HHLA1: variants seen among roughly 807,000 people sequenced by gnomAD.
HHLA1 encodes the protein HERV-H LTR-associating protein 1.
Under a neutral mutation model 69.9 loss-of-function variants are expected in HHLA1, and 72 were observed. The observed-to-expected ratio is 1.03, with a 90% CI of 0.85 to 1.25. The LOEUF (loss-of-function observed/expected upper bound fraction) is 1.25, where lower values mean the gene tolerates loss of function less well. HHLA1 is among the 50% of genes most tolerant of loss of function. The pLI is 0.00. For synonymous variants in HHLA1, 252 were observed against 233.2 expected (o/e 1.08, Z -0.73); for missense variants, 685 against 642.2 (o/e 1.07, Z -0.72).
intron 13 of HHLA1, 23 bp downstream of exon 13, chr8:132,076,452 C>CCA: frequency 6.7e-7 from 1 of 1,484,186 alleles, no homozygotes; most frequent in Non-Finnish European, 9.2e-7. Flanking sequence ...CCCAAACCCC[C>CCA]ACTTCCGTAC....
In HHLA1 at chr8:132,077,900, G is replaced by A. The variant is rs1325705246; in HGVS notation, c.997C>T (p.Pro333Ser). The part of the protein sequence containing the change: ...RQTWASISSV[P>S]WAQTISEKKP... ...TTCTCACTGATGGTCTGAGCCCAGGGCACGGACGATATGGAAGCCCACGTC... is the reference window on the plus strand; with the variant it reads ...TTCTCACTGATGGTCTGAGCCCAGGACACGGACGATATGGAAGCCCACGTC... The change falls in exon 12 of 17, where the codon CCC becomes TCC. Residue 333 changes from proline to serine, a missense_variant. Transcript: ENST00000414222. 3 of 1,551,464 alleles carry A rather than the reference G, an allele frequency of 1.9e-6. No individual in the cohort carries two copies. The highest frequency in any genetic ancestry group is 3.9e-5 in the Admixed American group (2 of 50,978).
At chr8:132,084,420 C>T (rs1339071444) in intron 10 of HHLA1, among the ~76,000 whole-genome samples, 1 of 80,590 alleles carries the variant, frequency 1.2e-5, no homozygotes, top group Non-Finnish European at 2.5e-5. Flanking sequence ...GGACGAGTTG[C>T]ACTGGGCACA....
chr8:132,062,912 A>T lies in HHLA1; in HGVS notation c.*1083T>A, dbSNP rs1823377019. ...TGTACCTGGGGCTTCGTGCCATGAC[A>T]GATAGTTTATGTTAACAATGTGATT... On this transcript the variant is annotated 3_prime_UTR_variant, in exon 17 of 17. Coordinates refer to ENST00000414222, the MANE Select transcript of HHLA1 (RefSeq NM_001145095.3). The T allele has an allele frequency of 6.6e-6, 1 of 152,214 alleles. No individual in the cohort carries two copies. Among genetic ancestry groups the T allele is most frequent in the African/African-American group, 2.4e-5 (1 of 41,432 alleles). The allele number at this position is 152,214 out of a possible 1,614,324, so 9.4% of individuals were successfully genotyped here.
intron 3 of HHLA1, among the ~76,000 whole-genome samples, chr8:132,101,694 C>G (rs1824113934): frequency 6.6e-6 from 1 of 151,920 alleles, no homozygotes; most frequent in African/African-American, 2.4e-5. Flanking sequence ...CTGCCTCAGC[C>G]TCCTGAGTAG....
At chr8:132,069,226 C>T (rs192396028) in intron 15 of HHLA1, among the ~76,000 whole-genome samples, 15 of 152,308 alleles carry the variant, frequency 9.8e-5, no homozygotes, top group Admixed American at 3.3e-4. Context: ...GCCTGGAAAA[C>T]TCCTATTCCT....
intron 1 of HHLA1, among the ~76,000 whole-genome samples, chr8:132,105,804 A>AT (rs1454603578): frequency 6.6e-6 from 1 of 152,266 alleles, no homozygotes; most frequent in African/African-American, 2.4e-5. Context: ...TCTTCCATGG[A>AT]TTTTCTGGCT....
Position 132,077,891 on chromosome 8 carries a change from G to C in HHLA1, c.1006C>G (p.Gln336Glu), listed in dbSNP as rs1331909689. The C allele has an allele frequency of 1.3e-6, 2 of 1,551,430 alleles. No homozygotes were observed. Among genetic ancestry groups the C allele is most frequent in the South Asian group, 1.2e-5 (1 of 84,056 alleles). The change falls in exon 12 of 17, where the codon CAG (glutamine) becomes GAG (glutamate). Residue 336 changes from glutamine (Q) to glutamate (E), a missense_variant. By Grantham distance (29) the Gln-to-Glu change is conservative (BLOSUM62 2). Coordinates refer to ENST00000414222, the MANE Select transcript of HHLA1 (RefSeq NM_001145095.3). ...CCAGGTTTTTTCTCACTGATGGTCTGAGCCCAGGGCACGGACGATATGGAA... is the reference window on the plus strand; with the variant it reads ...CCAGGTTTTTTCTCACTGATGGTCTCAGCCCAGGGCACGGACGATATGGAA... ...WASISSVPWAQTISEKKPGGS... is the reference protein window; with the variant it reads ...WASISSVPWAETISEKKPGGS...
chr8:132,078,672 G>A (rs1164588192), intron 11 of HHLA1, among the ~76,000 whole-genome samples: 1 of 152,102 alleles, frequency 6.6e-6, no homozygotes, highest in Non-Finnish European at 1.5e-5. Context: ...TTGTAGGCTG[G>A]ATCATAACTA....
chr8:132,099,306 C>A (rs542776965), intron 4 of HHLA1, among the ~76,000 whole-genome samples: 3 of 152,372 alleles, frequency 2.0e-5, no homozygotes, highest in African/African-American at 7.2e-5. Context: ...GAGTTCTCAG[C>A]AGCTCTGTGT....
chr8:132,081,498 C>A (rs1041819691), intron 10 of HHLA1, among the ~76,000 whole-genome samples: 2 of 152,060 alleles, frequency 1.3e-5, no homozygotes, highest in African/African-American at 2.4e-5. Flanking sequence ...GGATATAAAG[C>A]TTTCACTGAA....
chr8:132,079,127 G>T lies in HHLA1; in HGVS notation c.925+591C>A, dbSNP rs114032965. Among the ~76,000 whole-genome samples the T allele has an allele frequency of 6.1e-3, 925 of 152,288 alleles. 10 individuals carry two copies. Among genetic ancestry groups the T allele is most frequent in the African/African-American group, 0.02 (845 of 41,556 alleles). On this transcript the variant is annotated intron_variant, in intron 11 of 16. Coordinates refer to ENST00000414222, the MANE Select transcript of HHLA1 (RefSeq NM_001145095.3). Reference sequence around the variant, plus strand: ...AAAATAAGATAAGCATGCCTTTTGTGTCTTTAGTGATGACACTGCTGATCA... The same window carrying T: ...AAAATAAGATAAGCATGCCTTTTGTTTCTTTAGTGATGACACTGCTGATCA...
intron 11 of HHLA1, among the ~76,000 whole-genome samples, chr8:132,079,355 T>G (rs1823700616): frequency 6.6e-6 from 1 of 152,274 alleles, no homozygotes; most frequent in East Asian, 1.9e-4. Flanking sequence ...TGCTGAAATA[T>G]AAATACTTTT....
chr8:132,096,353 C>A (rs983419955), intron 5 of HHLA1, among the ~76,000 whole-genome samples: 5 of 152,184 alleles, frequency 3.3e-5, no homozygotes, highest in Admixed American at 3.3e-4. Context: ...CACAAATAAT[C>A]CTGGACAATG....
chr8:132,077,631 T>C, intron 12 of HHLA1, 95 bp downstream of exon 12: 1 of 1,224,340 alleles, frequency 8.2e-7, no homozygotes, highest in Non-Finnish European at 1.1e-6. Flanking sequence ...TTTCTGTGTG[T>C]GTATTATATT....
chr8:132,070,020 G>GT (rs1823505575), intron 15 of HHLA1: 1 of 48,754 alleles, frequency 2.1e-5, no homozygotes, highest in Non-Finnish European at 5.1e-5. Context: ...ACGGGGGGGG[G>GT]GGGGAGGGGG....
rs200315623 is a variant in HHLA1 at position 132,102,191 on chromosome 8, G to A, written c.139+1917C>T. On this transcript the variant is annotated intron_variant, in intron 3 of 16. Transcript: ENST00000414222. Reference sequence around the variant, plus strand: ...TGGCACCGTTTTCTTATTTAAGACCGAATAATATTGCATTGTATGTATATA... The same window carrying A: ...TGGCACCGTTTTCTTATTTAAGACCAAATAATATTGCATTGTATGTATATA... 7.9e-5 allele frequency among the ~76,000 whole-genome samples: 12 copies of A among 152,276 alleles called. No individual in the cohort carries two copies. In the East Asian group the frequency reaches 1.7e-3, roughly 22 times the overall value.
Position 132,081,632 on chromosome 8 carries a change from C to T in HHLA1, c.677-1666G>A, listed in dbSNP as rs186098958. Among the ~76,000 whole-genome samples, 17 of 152,130 alleles carry T rather than the reference C, an allele frequency of 1.1e-4. No homozygotes were observed. The South Asian group carries it at 1.2e-3, about 11-fold the overall frequency. On this transcript the variant is annotated intron_variant, in intron 10 of 16. Coordinates refer to ENST00000414222, the MANE Select transcript of HHLA1 (RefSeq NM_001145095.3). ...TCTGACAGAACAGAAGAAATGACTGCGGTGGCCTTCTCAGACCCTGTAGGA... is the reference window on the plus strand; with the variant it reads ...TCTGACAGAACAGAAGAAATGACTGTGGTGGCCTTCTCAGACCCTGTAGGA...
At position 132,071,416 on chromosome 8, in the gene HHLA1, A is replaced by G; in HGVS notation, c.1393T>C (p.Cys465Arg). 6.4e-7 allele frequency: 1 copy of G among 1,551,690 alleles called. No individual in the cohort carries two copies. Among genetic ancestry groups the G allele is most frequent in the African/African-American group, 1.4e-5 (1 of 73,174 alleles). Reference sequence around the variant, plus strand: ...AAGAATTGGCACAGCTCCATCAGGCATGGGTTGAGCCTCTGAATAGCCAGG... The same window carrying G: ...AAGAATTGGCACAGCTCCATCAGGCGTGGGTTGAGCCTCTGAATAGCCAGG... ...LTLAIQRLNP[C>R]LMELCQFFQQ... Residue 465 changes from cysteine (C) to arginine (R), a missense_variant, in exon 15 of 17, where the codon TGC (cysteine) becomes CGC (arginine). Coordinates refer to ENST00000414222, the MANE Select transcript of HHLA1 (RefSeq NM_001145095.3).
chr8:132,079,040 G>C (rs1823694456), intron 11 of HHLA1, among the ~76,000 whole-genome samples: 1 of 152,064 alleles, frequency 6.6e-6, no homozygotes, highest in South Asian at 2.1e-4. Flanking sequence ...TTTAACATTA[G>C]GTATATCTCC....
Sources: allele counts gnomAD v4.1 joint callset (sites outside exome capture counted in the v4.1 genomes callset), GRCh38; gene constraint gnomAD v4.1.1; transcripts MANE v1.5; gene names NCBI Gene and HGNC (gene_info 2026-07-23, HGNC 2026-07-21).